The following MDGA2 variants were observed in gnomAD, a reference collection of about 807,000 sequenced individuals.
MDGA2 encodes MAM domain-containing glycosylphosphatidylinositol anchor protein 2.
Under a neutral mutation model 117.8 loss-of-function variants are expected in MDGA2, and 40 were observed. That is an observed-to-expected ratio of 0.34 (90% CI 0.26 to 0.44). MDGA2 has a LOEUF of 0.44. Among genes scored for constraint, MDGA2 ranks in the 20% least tolerant of loss-of-function variants. MDGA2 has a pLI of 1.00. For synonymous variants in MDGA2, 452 were observed against 439.0 expected (o/e 1.03, Z -0.37); for missense variants, 1,123 against 1,250.6 (o/e 0.90, Z 1.54).
intron 1 of MDGA2, among the ~76,000 whole-genome samples, chr14:47,429,926 T>G (rs1353436286): frequency 2.0e-5 from 3 of 149,174 alleles, no homozygotes; most frequent in Non-Finnish European, 4.4e-5. Context: ...ATCTGAAAAT[T>G]GACTGAAAAG....
At chr14:47,209,798 G>C (rs1180631583) in intron 3 of MDGA2, among the ~76,000 whole-genome samples, 1 of 152,118 alleles carries the variant, frequency 6.6e-6, no homozygotes, top group African/African-American at 2.4e-5. Context: ...AGGGCAATTT[G>C]CATGACAGCA....
intron 1 of MDGA2, among the ~76,000 whole-genome samples, chr14:47,633,863 G>A (rs1317794998): frequency 6.6e-6 from 1 of 152,074 alleles, no homozygotes; most frequent in Non-Finnish European, 1.5e-5. Context: ...AGGATCCTGA[G>A]TTTTGTAACA....
At chr14:47,176,148 A>G (rs1884433839) in intron 3 of MDGA2, among the ~76,000 whole-genome samples, 1 of 152,224 alleles carries the variant, frequency 6.6e-6, no homozygotes, top group Admixed American at 6.5e-5. Flanking sequence ...AGGAAATAAA[A>G]GAGGATACAA....
chr14:47,010,153 C>A (rs71418124), intron 8 of MDGA2, among the ~76,000 whole-genome samples: 7,404 of 152,036 alleles, frequency 0.049, 235 homozygotes, highest in Middle Eastern at 0.078. Flanking sequence ...ATGTATATTT[C>A]TGACTTCCTG....
At position 47,665,968 on chromosome 14, in the gene MDGA2, G is replaced by T. The variant is rs1470574109; in HGVS notation, c.280+8549C>A. Among the ~76,000 whole-genome samples the T allele has an allele frequency of 2.6e-5, 4 of 151,896 alleles. No individual in the cohort carries two copies. The East Asian group carries it at 5.8e-4, about 22-fold the overall frequency. ...CGGGCGCACCACACAGGACTGGCAG[G>T]CAGCTCCACCTGTGGCCCTGGTGCG... On this transcript the variant is annotated intron_variant, in intron 1 of 16. Coordinates refer to ENST00000399232, the MANE Select transcript of MDGA2 (RefSeq NM_001113498.3).
chr14:47,076,560 ATGTGTGTG>A (rs145260703), intron 6 of MDGA2, among the ~76,000 whole-genome samples: 9 of 147,074 alleles, frequency 6.1e-5, no homozygotes, highest in East Asian at 2.0e-4. Context: ...AGTGTGTGTT[ATGTGTGTG>A]TGTGTGTGTG....
chr14:47,158,100 G>A (rs1379901180), intron 3 of MDGA2, among the ~76,000 whole-genome samples: 1 of 151,960 alleles, frequency 6.6e-6, no homozygotes, highest in African/African-American at 2.4e-5. Flanking sequence ...ATAAAATGGT[G>A]GTTCCACAAA....
chr14:47,295,267 C>T (rs1204960127), intron 2 of MDGA2, among the ~76,000 whole-genome samples: 4 of 152,114 alleles, frequency 2.6e-5, no homozygotes, highest in African/African-American at 9.7e-5. Context: ...ATCTTCCAAC[C>T]TTGCAAACAG....
At chr14:47,164,507 A>C (rs1038467124) in intron 3 of MDGA2, among the ~76,000 whole-genome samples, 14 of 152,234 alleles carry the variant, frequency 9.2e-5, no homozygotes, top group South Asian at 2.1e-4. Flanking sequence ...AAAAATGCTC[A>C]TCATCACTGG....
chr14:47,320,026 G>A (rs972114731), intron 1 of MDGA2, among the ~76,000 whole-genome samples: 12 of 152,070 alleles, frequency 7.9e-5, no homozygotes, highest in African/African-American at 2.7e-4. Flanking sequence ...AGACGGATGC[G>A]TTGCATCTCC....
At chr14:47,620,191 C>A (rs554654447) in intron 1 of MDGA2, among the ~76,000 whole-genome samples, 4 of 152,320 alleles carry the variant, frequency 2.6e-5, no homozygotes, top group South Asian at 2.1e-4. Flanking sequence ...TCAATGGCAA[C>A]AGAATATTTT....
At chr14:47,557,587 T>C (rs1895708583) in intron 1 of MDGA2, among the ~76,000 whole-genome samples, 1 of 152,186 alleles carries the variant, frequency 6.6e-6, no homozygotes. Flanking sequence ...GTTAAAAAGC[T>C]TGAGTCAACA....
chr14:47,619,613 G>A (rs372446336), intron 1 of MDGA2, among the ~76,000 whole-genome samples: 119 of 152,226 alleles, frequency 7.8e-4, no homozygotes, highest in African/African-American at 2.6e-3. Context: ...CAAGCCTTAA[G>A]GGCTTTCAAG....
intron 5 of MDGA2, among the ~76,000 whole-genome samples, chr14:47,130,586 CCTA>C (rs1369558642): frequency 6.6e-6 from 1 of 152,054 alleles, no homozygotes; most frequent in Admixed American, 6.6e-5. Flanking sequence ...ACAATAAAGT[CCTA>C]GGTTTAATCT....
intron 1 of MDGA2, among the ~76,000 whole-genome samples, chr14:47,570,608 T>C (rs1217020500): frequency 6.6e-6 from 1 of 152,180 alleles, no homozygotes. Context: ...ACTACACATC[T>C]ACAACCATCT....
intron 6 of MDGA2, among the ~76,000 whole-genome samples, chr14:47,093,344 T>G (rs1879779323): frequency 1.3e-5 from 2 of 152,120 alleles, no homozygotes; most frequent in Admixed American, 1.3e-4. Context: ...GTCTTGGTAT[T>G]TTGAACCATA....
At chr14:47,656,288 T>C (rs1416423486) in intron 1 of MDGA2, among the ~76,000 whole-genome samples, 1 of 152,182 alleles carries the variant, frequency 6.6e-6, no homozygotes, top group Non-Finnish European at 1.5e-5. Flanking sequence ...ACATCTTTCC[T>C]ATTGCACTGC....
intron 1 of MDGA2, among the ~76,000 whole-genome samples, chr14:47,565,671 G>C (rs1895903758): frequency 6.6e-6 from 1 of 152,202 alleles, no homozygotes; most frequent in Non-Finnish European, 1.5e-5. Flanking sequence ...TGGATGGGGT[G>C]AGATTCTGGT....
chr14:47,093,859 A>G (rs1453645487), intron 6 of MDGA2, among the ~76,000 whole-genome samples: 2 of 152,074 alleles, frequency 1.3e-5, no homozygotes, highest in East Asian at 1.9e-4. Context: ...GATGCACAAA[A>G]TATCTTTATG....
Sources: gnomAD v4.1 joint callset for allele counts (sites outside exome capture counted in the v4.1 genomes callset) on GRCh38, gnomAD v4.1.1 for gene constraint, MANE v1.5 for transcripts, NCBI Gene and HGNC (gene_info 2026-07-23, HGNC 2026-07-21) for gene names.